Variants in CEMIP2 observed in about 807,000 individuals in gnomAD.
CEMIP2 encodes cell migration inducing hyaluronidase 2, also known as cell surface hyaluronidase CEMIP2.
In CEMIP2, 79 loss-of-function variants were observed where a neutral mutation model predicts 146.9. That is an observed-to-expected ratio of 0.54 (90% CI 0.45 to 0.65). The LOEUF (loss-of-function observed/expected upper bound fraction) is 0.65, where lower values mean the gene tolerates loss of function less well. CEMIP2 is among the 30% of genes least tolerant of loss of function. CEMIP2 has a pLI of 0.00. For synonymous variants in CEMIP2, 601 were observed against 606.3 expected (o/e 0.99, Z 0.13); for missense variants, 1,596 against 1,696.2 (o/e 0.94, Z 1.04).
At position 71,728,271 on chromosome 9, in the gene CEMIP2, A is replaced by ATATATGTG. The variant is rs1554684697; in HGVS notation, c.2049+1573_2049+1574insCACATATA. Among the ~76,000 whole-genome samples the ATATATGTG allele has an allele frequency of 9.8e-4, 11 of 11,270 alleles. 1 individual carries two copies. Among genetic ancestry groups the ATATATGTG allele is most frequent in the Non-Finnish European group, 1.2e-3 (4 of 3,458 alleles). The allele number at this position is 11,270 out of a possible 152,430, so 7.4% of individuals were successfully genotyped here. ...TATATGTATATACACGTATATATAT[A>ATATATGTG]TATATATATGTATATATATATATAT... is the stretch of plus-strand genomic sequence containing the variant. On this transcript the variant is annotated intron_variant, in intron 10 of 23. Coordinates refer to ENST00000377044, the MANE Select transcript of CEMIP2 (RefSeq NM_013390.3).
intron 11 of CEMIP2, among the ~76,000 whole-genome samples, 193 bp downstream of exon 11, chr9:71,725,388 C>A (rs1235344292): frequency 6.6e-6 from 1 of 152,166 alleles, no homozygotes; most frequent in South Asian, 2.1e-4. Context: ...AAGAACCTTA[C>A]CAAATGCTGT....
At chr9:71,762,004 TGAC>T (rs1824649696) in intron 1 of CEMIP2, among the ~76,000 whole-genome samples, 1 of 146,404 alleles carries the variant, frequency 6.8e-6, no homozygotes, top group Non-Finnish European at 1.5e-5. Context: ...GCCATTTAAA[TGAC>T]GACACGTTGC....
intron 12 of CEMIP2, among the ~76,000 whole-genome samples, chr9:71,718,926 T>G (rs926033057): frequency 6.6e-6 from 1 of 152,124 alleles, no homozygotes; most frequent in East Asian, 1.9e-4. Flanking sequence ...CTTCACCTTT[T>G]CTTTTTCTTC....
intron 1 of CEMIP2, among the ~76,000 whole-genome samples, chr9:71,756,214 G>GATA (rs1564027735): frequency 0.031 from 4,374 of 140,894 alleles, 204 homozygotes; most frequent in South Asian, 0.12. Flanking sequence ...TAGATAGATA[G>GATA]GCTATATATA....
chr9:71,688,660 T>C (rs889693652), intron 22 of CEMIP2, among the ~76,000 whole-genome samples: 1 of 152,152 alleles, frequency 6.6e-6, no homozygotes, highest in Non-Finnish European at 1.5e-5. Context: ...AGTGCTAGGA[T>C]TACAGGTGTG....
chr9:71,716,622 T>A, intron 13 of CEMIP2, 70 bp from the exon 14 acceptor site: 2 of 1,302,090 alleles, frequency 1.5e-6, no homozygotes, highest in Non-Finnish European at 2.1e-6. Context: ...ATTCTCTCAA[T>A]ATTTAATTAT....
intron 17 of CEMIP2, among the ~76,000 whole-genome samples, chr9:71,708,525 G>A (rs1822819252): frequency 6.6e-6 from 1 of 152,150 alleles, no homozygotes. Flanking sequence ...CTTTTCCAAT[G>A]CATACTTTAG....
chr9:71,734,958 T>A lies in CEMIP2; in HGVS notation c.1241A>T (p.Asp414Val). The A allele has an allele frequency of 6.2e-7, 1 of 1,611,130 alleles. No homozygotes were observed. Among genetic ancestry groups the A allele is most frequent in the Non-Finnish European group, 8.5e-7 (1 of 1,179,674 alleles). ...ATCTAGCAAATTTAGCTTCACTCCA[T>A]CTACAACCTCTACCCGGAATCCTGA... ...SLSGFRVEVV[D>V]GVKLNLLDDV... Residue 414 changes from aspartate to valine, a missense_variant, in exon 6 of 24, where the codon GAT (aspartate) becomes GTT (valine). Physicochemically the swap from Asp to Val is radical, Grantham distance 152 (BLOSUM62 -3). Coordinates refer to ENST00000377044, the MANE Select transcript of CEMIP2 (RefSeq NM_013390.3).
intron 21 of CEMIP2, among the ~76,000 whole-genome samples, chr9:71,692,940 A>C (rs7046631): frequency 1.3e-5 from 1 of 79,268 alleles, no homozygotes; most frequent in African/African-American, 8.8e-5. Flanking sequence ...ACAACAACAA[A>C]AACCAAGAGT....
chr9:71,688,098 C>T (rs1210409905), intron 22 of CEMIP2, among the ~76,000 whole-genome samples: 5 of 152,198 alleles, frequency 3.3e-5, no homozygotes, highest in East Asian at 3.9e-4. Flanking sequence ...CTCAAGCAAT[C>T]GTCCCGCCAT....
At chr9:71,764,922 T>TC (rs1244937939) in intron 1 of CEMIP2, among the ~76,000 whole-genome samples, 1 of 151,582 alleles carries the variant, frequency 6.6e-6, no homozygotes, top group Non-Finnish European at 1.5e-5. Context: ...TTTCTTCCTT[T>TC]TTTTTTTTTT....
intron 5 of CEMIP2, among the ~76,000 whole-genome samples, chr9:71,736,012 T>C (rs1823751903): frequency 1.3e-5 from 2 of 152,150 alleles, no homozygotes; most frequent in South Asian, 4.1e-4. Context: ...GAGGATCACT[T>C]GAGCACAGGA....
chr9:71,709,399 T>C lies in CEMIP2; in HGVS notation c.2845A>G (p.Ile949Val), dbSNP rs1353698003. Reference sequence around the variant, plus strand: ...ACAGAGCCATCAATGTCATGGAATATGGAGTTCTTATCACCATCCATCTCA... The same window carrying C: ...ACAGAGCCATCAATGTCATGGAATACGGAGTTCTTATCACCATCCATCTCA... ...DCEMDGDKNS[I>V]FHDIDGSVTG... Residue 949 changes from isoleucine to valine, a missense_variant, in exon 17 of 24, where the codon ATA becomes GTA. Ile to Val is a conservative substitution (Grantham distance 29). Transcript: ENST00000377044. The C allele has an allele frequency of 6.2e-7, 1 of 1,614,186 alleles. No homozygotes were observed. Among genetic ancestry groups the C allele is most frequent in the South Asian group, 1.1e-5 (1 of 91,090 alleles).
Position 71,690,084 on chromosome 9 carries a change from T to G in CEMIP2, c.3851+8A>C, listed in dbSNP as rs745512740. On this transcript the variant is annotated splice_region_variant and intron_variant, in intron 22 of 23. Transcript: ENST00000377044. Reference sequence around the variant, plus strand: ...GCTTTTCCCTGTTACAGCACAAGCTTGACCTACCTTGGAGGGATGCCTGTT... The same window carrying G: ...GCTTTTCCCTGTTACAGCACAAGCTGGACCTACCTTGGAGGGATGCCTGTT... 9.9e-6 allele frequency: 16 copies of G among 1,613,464 alleles called. No individual in the cohort carries two copies. The South Asian group carries it at 1.5e-4, about 16-fold the overall frequency.
At chr9:71,746,772 G>T (rs1824103173) in intron 2 of CEMIP2, among the ~76,000 whole-genome samples, 1 of 152,124 alleles carries the variant, frequency 6.6e-6, no homozygotes, top group Non-Finnish European at 1.5e-5. Context: ...ATAATACATT[G>T]ATCAGGTCTT....
At chr9:71,692,253 G>C (rs1284076600) in intron 21 of CEMIP2, among the ~76,000 whole-genome samples, 1 of 150,464 alleles carries the variant, frequency 6.6e-6, no homozygotes, top group Non-Finnish European at 1.5e-5. Flanking sequence ...TGTAACAACA[G>C]AGTCAAACAA....
At chr9:71,765,666 G>A (rs539129952) in intron 1 of CEMIP2, among the ~76,000 whole-genome samples, 1 of 152,202 alleles carries the variant, frequency 6.6e-6, no homozygotes, top group Admixed American at 6.5e-5. Flanking sequence ...TTCTTAGAGC[G>A]TTCTGTGCGT....
At chr9:71,755,346 T>TACACACACACACAC (rs34581447) in intron 1 of CEMIP2, among the ~76,000 whole-genome samples, 11,294 of 134,710 alleles carry the variant, frequency 0.084, 518 homozygotes, top group Non-Finnish European at 0.094. Context: ...ACCCTGTCTC[T>TACACACACACACAC]ACACACACAC....
chr9:71,756,858 GA>G (rs1174133661), intron 1 of CEMIP2, among the ~76,000 whole-genome samples: 1 of 152,136 alleles, frequency 6.6e-6, no homozygotes, highest in Non-Finnish European at 1.5e-5. Context: ...TACACATTAT[GA>G]AATGCAGTAG....
Sources: allele counts gnomAD v4.1 joint callset (sites outside exome capture counted in the v4.1 genomes callset), GRCh38; gene constraint gnomAD v4.1.1; transcripts MANE v1.5; gene names NCBI Gene and HGNC (gene_info 2026-07-23, HGNC 2026-07-21).